Variants in LDLRAD4 observed in about 807,000 individuals in gnomAD.
The protein encoded by LDLRAD4 is low density lipoprotein receptor class A domain containing 4.
LDLRAD4 carries 5 observed loss-of-function variants against 17.0 expected under a neutral mutation model. The ratio of observed to expected loss-of-function variants is 0.29; its 90% CI spans 0.15 to 0.62. The LOEUF (loss-of-function observed/expected upper bound fraction) is 0.62, where lower values mean the gene tolerates loss of function less well. Ranked by LOEUF, LDLRAD4 falls within the 20% of genes least tolerant of loss-of-function variation. The pLI is 0.84. For missense variants in LDLRAD4, 340 were observed against 424.7 expected, an observed-to-expected ratio of 0.80 and a Z score of 1.75; for synonymous variants, 168 against 171.8, an observed-to-expected ratio of 0.98 and a Z score of 0.17.
intron 4 of LDLRAD4, chr18:13,641,934 G>A (rs1345209261): frequency 2.0e-6 from 2 of 985,462 alleles, no homozygotes; most frequent in Non-Finnish European, 2.4e-6. Context: ...ACGGCTGACT[G>A]GGCTCCCGGA....
intron 3 of LDLRAD4, among the ~76,000 whole-genome samples, chr18:13,507,839 C>T (rs541151348): frequency 3.3e-4 from 50 of 152,302 alleles, no homozygotes; most frequent in African/African-American, 1.1e-3. Context: ...CTACCGTGGC[C>T]TCTATGTGTT....
chr18:13,605,281 A>G (rs2095211703), intron 3 of LDLRAD4, among the ~76,000 whole-genome samples: 1 of 152,266 alleles, frequency 6.6e-6, no homozygotes, highest in Non-Finnish European at 1.5e-5. Context: ...GCATTGGCAC[A>G]ATCACAGCTC....
At chr18:13,350,084 C>T (rs1030017391) in intron 1 of LDLRAD4, among the ~76,000 whole-genome samples, 1 of 152,092 alleles carries the variant, frequency 6.6e-6, no homozygotes, top group Non-Finnish European at 1.5e-5. Flanking sequence ...AATAGTGCTG[C>T]AATAAATATA....
intron 2 of LDLRAD4, among the ~76,000 whole-genome samples, chr18:13,400,648 A>C (rs1456396692): frequency 6.6e-6 from 1 of 152,168 alleles, no homozygotes; most frequent in Non-Finnish European, 1.5e-5. Flanking sequence ...CTATGTTCAC[A>C]CTCGTATCTG....
intron 1 of LDLRAD4, among the ~76,000 whole-genome samples, chr18:13,375,747 T>C (rs2084857479): frequency 6.6e-6 from 1 of 152,084 alleles, no homozygotes; most frequent in Admixed American, 6.5e-5. Context: ...CTCTGTACAG[T>C]CAGGGAACAG....
intron 1 of LDLRAD4, among the ~76,000 whole-genome samples, chr18:13,243,803 C>T (rs1598862104): frequency 6.7e-6 from 1 of 149,788 alleles, no homozygotes; most frequent in East Asian, 2.1e-4. Context: ...TCTATCATCT[C>T]CCCAGCTACC....
At chr18:13,506,677 A>G (rs201377056) in intron 3 of LDLRAD4, among the ~76,000 whole-genome samples, 2 of 152,196 alleles carry the variant, frequency 1.3e-5, no homozygotes, top group African/African-American at 4.8e-5. Context: ...CTATTGGAAG[A>G]AGATGCCATG....
intron 3 of LDLRAD4, chr18:13,521,262 T>C (rs2093949211): frequency 1.3e-5 from 2 of 152,184 alleles, no homozygotes; most frequent in African/African-American, 4.8e-5. Context: ...TTGTTCTGTG[T>C]CTTAACCATG....
intron 3 of LDLRAD4, among the ~76,000 whole-genome samples, chr18:13,550,912 A>G (rs2094427376): frequency 6.6e-6 from 1 of 152,034 alleles, no homozygotes; most frequent in Non-Finnish European, 1.5e-5. Flanking sequence ...ATGAGTACAG[A>G]TGCTGTCACC....
intron 1 of LDLRAD4, among the ~76,000 whole-genome samples, chr18:13,365,188 G>A (rs1035653531): frequency 2.0e-5 from 3 of 152,180 alleles, no homozygotes; most frequent in Non-Finnish European, 4.4e-5. Context: ...TCCTTGGAAG[G>A]AGCTCCTGTA....
At chr18:13,257,061 G>A (rs2043545405) in intron 1 of LDLRAD4, among the ~76,000 whole-genome samples, 1 of 152,244 alleles carries the variant, frequency 6.6e-6, no homozygotes, top group South Asian at 2.1e-4. Context: ...TTTGTATTCA[G>A]AGCTGTTTAT....
chr18:13,387,715 G>A, exon 2 of LDLRAD4: 3 of 1,613,842 alleles, frequency 1.9e-6, no homozygotes, highest in Non-Finnish European at 2.5e-6. Context: ...GCTTGTCCGG[G>A]GAGCAGTATG....
intron 3 of LDLRAD4, among the ~76,000 whole-genome samples, chr18:13,452,302 C>T (rs981434127): frequency 2.0e-5 from 3 of 152,136 alleles, no homozygotes; most frequent in Admixed American, 6.5e-5. Context: ...GTGGCAGCGG[C>T]GGCTCCTGGC....
intron 1 of LDLRAD4, among the ~76,000 whole-genome samples, chr18:13,231,750 AATTTC>A (rs764889704): frequency 1.6e-4 from 25 of 152,374 alleles, no homozygotes; most frequent in South Asian, 4.1e-4. Context: ...GACAACATCT[AATTTC>A]ATGTTCCTTG....
At chr18:13,360,598 A>T (rs373562617) in intron 1 of LDLRAD4, among the ~76,000 whole-genome samples, 1 of 152,276 alleles carries the variant, frequency 6.6e-6, no homozygotes. Flanking sequence ...ATAAGTAGAC[A>T]TGATCTGGAT....
chr18:13,325,397 A>G (rs964807899), intron 1 of LDLRAD4, among the ~76,000 whole-genome samples: 5 of 152,108 alleles, frequency 3.3e-5, no homozygotes, highest in African/African-American at 1.2e-4. Flanking sequence ...AGCCTTTGAG[A>G]CGGCTCCAAC....
chr18:13,512,050 G>A (rs542502938), intron 3 of LDLRAD4, among the ~76,000 whole-genome samples: 10 of 152,290 alleles, frequency 6.6e-5, no homozygotes, highest in Admixed American at 1.3e-4. Flanking sequence ...GAGCGCTTGC[G>A]TTGCTCCGTT....
intron 1 of LDLRAD4, among the ~76,000 whole-genome samples, chr18:13,292,511 C>T (rs1056954602): frequency 2.0e-5 from 3 of 152,188 alleles, no homozygotes; most frequent in African/African-American, 4.8e-5. Flanking sequence ...AATGAAACAT[C>T]TCCAGTACGT....
intron 3 of LDLRAD4, among the ~76,000 whole-genome samples, chr18:13,473,418 C>G (rs949588999): frequency 5.3e-5 from 8 of 151,920 alleles, no homozygotes; most frequent in Non-Finnish European, 7.4e-5. Context: ...GCCTGTAATC[C>G]CAGCACTTTG....
Sources: allele counts gnomAD v4.1 joint callset (sites outside exome capture counted in the v4.1 genomes callset), GRCh38; gene constraint gnomAD v4.1.1; transcripts MANE v1.5; gene names NCBI Gene and HGNC (gene_info 2026-07-23, HGNC 2026-07-21).